Variants in FGD2 observed in about 807,000 individuals in gnomAD.
FGD2 encodes the protein FYVE, RhoGEF and PH domain containing 2, also known as FYVE, RhoGEF and PH domain-containing protein 2.
Under a neutral mutation model 75.9 loss-of-function variants are expected in FGD2, and 52 were observed. The observed-to-expected ratio is 0.69, with a 90% CI of 0.55 to 0.86. FGD2 has a LOEUF of 0.86. Among genes scored for constraint, FGD2 ranks in the 40% least tolerant of loss-of-function variants. The pLI is 0.00. For missense variants in FGD2, 790 were observed against 872.0 expected (o/e 0.91, Z 1.18); for synonymous variants, 347 against 348.6 (o/e 1.00, Z 0.05).
In FGD2 at chr6:37,022,342, G is replaced by A. The variant is rs562898528; in HGVS notation, c.1430G>A (p.Arg477His). ...GAGCCCTTCAACGCTCTGACGCGCC[G>A]TCGCCACCACTGCCGGGCCTGCGGC... Reference protein sequence around the residue: ...CQEPFNALTRRRHHCRACGYV... With the variant: ...CQEPFNALTRHRHHCRACGYV... The change falls in exon 13 of 16, where the codon CGT (arginine) becomes CAT (histidine). Residue 477 changes from arginine to histidine, a missense_variant. Transcript: ENST00000274963. The A allele has an allele frequency of 2.8e-5, 44 of 1,587,818 alleles. No individual in the cohort carries two copies. The highest frequency in any genetic ancestry group is 3.4e-5 in the Non-Finnish European group (40 of 1,169,198).
intron 15 of FGD2, 83 bp from the exon 16 acceptor site, chr6:37,027,865 G>C: frequency 6.8e-7 from 1 of 1,464,162 alleles, no homozygotes; most frequent in Admixed American, 1.8e-5. Flanking sequence ...AGCTGTGCGT[G>C]CGTGGCTGTT....
intron 14 of FGD2, among the ~76,000 whole-genome samples, 194 bp from the exon 15 acceptor site, chr6:37,027,235 A>C (rs537505432): frequency 6.6e-6 from 1 of 152,290 alleles, no homozygotes; most frequent in Non-Finnish European, 1.5e-5. Flanking sequence ...CTGGGGTTTG[A>C]CTGCAGCTCT....
intron 13 of FGD2, chr6:37,022,681 T>C (rs1472219956): frequency 4.7e-5 from 14 of 299,568 alleles, no homozygotes; most frequent in Non-Finnish European, 8.7e-5. Context: ...TGCCCCACCT[T>C]GGCTTCCACC....
At chr6:37,014,157 A>G in intron 6 of FGD2, 57 bp downstream of exon 6, 1 of 1,555,012 alleles carries the variant, frequency 6.4e-7, no homozygotes, top group Non-Finnish European at 8.7e-7. Flanking sequence ...ATTCCCATAT[A>G]CTTACTGAGC....
intron 9 of FGD2, among the ~76,000 whole-genome samples, chr6:37,017,941 C>A (rs999906990): frequency 6.6e-6 from 1 of 152,296 alleles, no homozygotes; most frequent in Non-Finnish European, 1.5e-5. Flanking sequence ...TGACTGAAGT[C>A]TTTTAGGAGT....
At chr6:37,011,998 A>G in intron 4 of FGD2, 144 bp downstream of exon 4, 1 of 850,604 alleles carries the variant, frequency 1.2e-6, no homozygotes, top group Non-Finnish European at 1.8e-6. Context: ...GTCTGTCTGC[A>G]CAGTGAAGGG....
intron 9 of FGD2, among the ~76,000 whole-genome samples, chr6:37,019,874 A>ATTTTT (rs1765491110): frequency 1.4e-5 from 2 of 140,984 alleles, no homozygotes; most frequent in South Asian, 2.2e-4. Context: ...TTTTTTTGAG[A>ATTTTT]CAGAGTCTCC....
intron 9 of FGD2, 114 bp from the exon 10 acceptor site, chr6:37,020,427 C>T: frequency 5.0e-6 from 5 of 998,762 alleles, no homozygotes; most frequent in Non-Finnish European, 7.5e-6. Context: ...GCATCCCTGT[C>T]TCTCGAATTT....
intron 9 of FGD2, among the ~76,000 whole-genome samples, chr6:37,016,321 G>C (rs1765290973): frequency 6.6e-6 from 1 of 152,240 alleles, no homozygotes; most frequent in Middle Eastern, 3.4e-3. Context: ...CATATCCTGG[G>C]CAGTGTATGC....
Position 37,021,691 on chromosome 6 carries a change from G to A in FGD2, c.1326+87G>A, listed in dbSNP as rs374929214. ...TCTGTTCTGCCTATACCAGCTCAGA[G>A]GGAGAGGGAGTGTCATCTGCCAGGA... On this transcript the variant is annotated intron_variant, in intron 12 of 15. Coordinates refer to ENST00000274963, the MANE Select transcript of FGD2 (RefSeq NM_173558.4). The A allele has an allele frequency of 3.3e-6, 4 of 1,197,186 alleles. No homozygotes were observed. In the African/African-American group the frequency reaches 4.6e-5, roughly 14 times the overall value. The allele number at this position is 1,197,186 out of a possible 1,614,324, so 74.2% of individuals were successfully genotyped here.
At position 37,013,350 on chromosome 6, in the gene FGD2, A is replaced by ACCTGCT. The variant is rs1765113743; in HGVS notation, c.528-258_528-253dup. 3.3e-6 allele frequency: 3 copies of ACCTGCT among 904,610 alleles called. No individual in the cohort carries two copies. In the East Asian group the frequency reaches 1.1e-4, roughly 32 times the overall value. 56.0% of individuals were successfully genotyped at this position (904,610 alleles called of 1,614,324 possible). On this transcript the variant is annotated intron_variant, in intron 4 of 15. Transcript: ENST00000274963. ...ATGAAGCACTGAGCAGTTACTGAAC[A>ACCTGCT]CCTGCTGTGGGCCCAACACTGTGCC... is the stretch of plus-strand genomic sequence containing the variant.
At chr6:37,018,702 A>G (rs1004553389) in intron 9 of FGD2, among the ~76,000 whole-genome samples, 3 of 152,200 alleles carry the variant, frequency 2.0e-5, no homozygotes, top group Non-Finnish European at 4.4e-5. Context: ...TTCTGCAGCC[A>G]ACTGCAGATT....
At chr6:37,012,637 G>C (rs557974319) in intron 4 of FGD2, among the ~76,000 whole-genome samples, 4 of 151,214 alleles carry the variant, frequency 2.6e-5, no homozygotes, top group Non-Finnish European at 4.4e-5. Flanking sequence ...GCTGGAGCCC[G>C]GAAAGTCGAG....
At chr6:37,020,680 C>A in intron 10 of FGD2, 29 bp from the exon 11 acceptor site, 1 of 1,577,126 alleles carries the variant, frequency 6.3e-7, no homozygotes, top group Non-Finnish European at 8.6e-7. Context: ...GGCTGATCTC[C>A]TCAACACCTG....
rs751943971 is a variant in FGD2, at chr6:37,015,785, C to G, written c.1047C>G (p.Leu349=). ...TCCTGCAGTTCAACAACATGCTGCTCTACTGTGTGCCCAGGGTGATCCAGG... is the reference window on the plus strand; with the variant it reads ...TCCTGCAGTTCAACAACATGCTGCTGTACTGTGTGCCCAGGGTGATCCAGG... ...RYLFLFNNML[L]YCVPRVIQVG... is the part of the protein sequence containing the mutation. Residue 349 remains leucine, a synonymous_variant, in exon 9 of 16, where the codon CTC becomes CTG. Coordinates refer to ENST00000274963, the MANE Select transcript of FGD2 (RefSeq NM_173558.4). 63 of 1,593,252 alleles carry G rather than the reference C, an allele frequency of 4.0e-5. No homozygotes were observed. The highest frequency in any genetic ancestry group is 5.2e-5 in the Non-Finnish European group (61 of 1,170,740).
chr6:37,011,615 G>T (rs1164273420), intron 3 of FGD2, 91 bp from the exon 4 acceptor site: 4 of 1,542,162 alleles, frequency 2.6e-6, no homozygotes, highest in African/African-American at 1.4e-5. Context: ...GTGGAAGCAT[G>T]CAGTAGGCTT....
chr6:37,014,736 C>A (rs375478778), intron 7 of FGD2, 32 bp downstream of exon 7: 50 of 1,613,330 alleles, frequency 3.1e-5, no homozygotes, highest in Non-Finnish European at 3.9e-5. Context: ...GGAGCCCTGT[C>A]CCCCTCCCTG....
intron 13 of FGD2, 53 bp downstream of exon 13, chr6:37,022,423 C>T (rs1765634170): frequency 1.3e-6 from 2 of 1,515,806 alleles, no homozygotes; most frequent in East Asian, 2.5e-5. Flanking sequence ...CAGGCCTCCA[C>T]CTGCATCACC....
intron 6 of FGD2, 44 bp from the exon 7 acceptor site, chr6:37,014,602 G>C: frequency 6.2e-7 from 1 of 1,608,440 alleles, no homozygotes; most frequent in Non-Finnish European, 8.5e-7. Context: ...CCAGCCACCA[G>C]CCCTAGATTC....
Sources: allele counts gnomAD v4.1 joint callset (sites outside exome capture counted in the v4.1 genomes callset), GRCh38; gene constraint gnomAD v4.1.1; transcripts MANE v1.5; gene names NCBI Gene and HGNC (gene_info 2026-07-23, HGNC 2026-07-21).